CTNNA3: variants seen among roughly 807,000 people sequenced by gnomAD.
CTNNA3 encodes the protein catenin alpha 3, also known as catenin alpha-3.
Under a neutral mutation model 95.7 loss-of-function variants are expected in CTNNA3, and 76 were observed. The ratio of observed to expected loss-of-function variants is 0.79; its 90% confidence interval spans 0.66 to 0.96. The LOEUF is 0.96. Among genes scored for constraint, CTNNA3 ranks in the 40% least tolerant of loss-of-function variants. CTNNA3 has a pLI of 0.00. For synonymous variants in CTNNA3, 431 were observed against 374.4 expected, an observed-to-expected ratio of 1.15 and a Z score of -1.74; for missense variants, 1,191 against 1,089.8, an observed-to-expected ratio of 1.09 and a Z score of -1.31.
chr10:65,925,048 T>C (rs1370758423), intron 17 of CTNNA3, among the ~76,000 whole-genome samples: 1 of 152,190 alleles, frequency 6.6e-6, no homozygotes, highest in Non-Finnish European at 1.5e-5. Flanking sequence ...GAGTTTTGGG[T>C]AGGGACACAA....
At chr10:66,104,070 T>C (rs1203352711) in intron 13 of CTNNA3, among the ~76,000 whole-genome samples, 1 of 152,188 alleles carries the variant, frequency 6.6e-6, no homozygotes, top group Admixed American at 6.5e-5. Flanking sequence ...CCAGAAATTA[T>C]CAAGAAATTA....
At chr10:66,455,047 TG>T (rs2093487346) in intron 11 of CTNNA3, among the ~76,000 whole-genome samples, 1 of 151,192 alleles carries the variant, frequency 6.6e-6, no homozygotes, top group Admixed American at 6.6e-5. Context: ...AGGAAAAATA[TG>T]TAAAATTCAG....
At chr10:67,143,637 C>A (rs2132047829) in intron 7 of CTNNA3, among the ~76,000 whole-genome samples, 1 of 152,116 alleles carries the variant, frequency 6.6e-6, no homozygotes, top group African/African-American at 2.4e-5. Context: ...CTCAAGAAAC[C>A]ACTTTCTCAT....
At chr10:66,186,467 CTT>C (rs1364752826) in intron 13 of CTNNA3, among the ~76,000 whole-genome samples, 2 of 151,962 alleles carry the variant, frequency 1.3e-5, no homozygotes, top group East Asian at 3.9e-4. Context: ...TAAAGAAAAT[CTT>C]CATCATTTTC....
intron 12 of CTNNA3, among the ~76,000 whole-genome samples, chr10:66,344,306 A>T (rs1183422538): frequency 2.7e-5 from 4 of 150,114 alleles, no homozygotes; most frequent in Non-Finnish European, 5.9e-5. Flanking sequence ...CGCTCTTGTC[A>T]CCCAGGCTGG....
intron 13 of CTNNA3, among the ~76,000 whole-genome samples, chr10:66,259,305 T>G (rs925143560): frequency 3.3e-5 from 5 of 152,132 alleles, no homozygotes; most frequent in Admixed American, 1.3e-4. Context: ...ACTATCCCCT[T>G]TCAGCAGGAA....
chr10:66,596,479 C>T (rs1295494528), intron 10 of CTNNA3, among the ~76,000 whole-genome samples: 1 of 152,078 alleles, frequency 6.6e-6, no homozygotes, highest in Non-Finnish European at 1.5e-5. Context: ...AGGAGTCATA[C>T]TATATTAAAC....
intron 12 of CTNNA3, among the ~76,000 whole-genome samples, chr10:66,335,983 C>T (rs1046302590): frequency 2.6e-5 from 4 of 152,148 alleles, no homozygotes; most frequent in African/African-American, 7.2e-5. Context: ...TCTCAGCCTG[C>T]TGTGCTAGCA....
At chr10:66,532,174 A>T (rs1391805459) in intron 10 of CTNNA3, among the ~76,000 whole-genome samples, 1 of 152,146 alleles carries the variant, frequency 6.6e-6, no homozygotes, top group Non-Finnish European at 1.5e-5. Context: ...TTAAAAAGAA[A>T]AAACAAGGCC....
intron 9 of CTNNA3, among the ~76,000 whole-genome samples, chr10:66,726,453 A>G (rs1389520389): frequency 6.6e-6 from 1 of 152,124 alleles, no homozygotes; most frequent in Non-Finnish European, 1.5e-5. Context: ...AGTTCCTATA[A>G]CAATTGAGAT....
chr10:66,436,501 C>CTTTTTTTTTTTTTTT (rs34165061), intron 11 of CTNNA3, among the ~76,000 whole-genome samples: 662 of 60,404 alleles, frequency 0.011, 4 homozygotes, highest in Non-Finnish European at 0.014. Flanking sequence ...ACAATCCCTG[C>CTTTTTTTTTTTTTTT]TTTTTTTTTT....
At chr10:67,736,582 A>G (rs1250974263) in intron 1 of CTNNA3, among the ~76,000 whole-genome samples, 2 of 151,478 alleles carry the variant, frequency 1.3e-5, no homozygotes, top group Admixed American at 6.6e-5. Context: ...CAGCCTCCCA[A>G]GTAGCTGGGA....
chr10:67,309,107 T>G (rs1328999662), intron 5 of CTNNA3, among the ~76,000 whole-genome samples: 1 of 152,182 alleles, frequency 6.6e-6, no homozygotes, highest in East Asian at 1.9e-4. Context: ...GTTTAACATT[T>G]CAACCTTTGC....
At chr10:67,748,279 G>A (rs117030189) in intron 1 of CTNNA3, among the ~76,000 whole-genome samples, 4,142 of 152,064 alleles carry the variant, frequency 0.027, 82 homozygotes, top group Non-Finnish European at 0.04. Flanking sequence ...TCCATGAGAA[G>A]ATCACCCCAA....
intron 7 of CTNNA3, among the ~76,000 whole-genome samples, chr10:67,175,935 C>T (rs1862219894): frequency 6.6e-6 from 1 of 152,066 alleles, no homozygotes; most frequent in Non-Finnish European, 1.5e-5. Context: ...TGCTCTGCCC[C>T]ATTTATAAAA....
chr10:66,982,020 A>G (rs1850471013), intron 7 of CTNNA3, among the ~76,000 whole-genome samples: 1 of 152,202 alleles, frequency 6.6e-6, no homozygotes, highest in African/African-American at 2.4e-5. Context: ...ATATGAGAAC[A>G]CTTCCCTCAC....
At chr10:67,443,148 G>C (rs1349446497) in intron 5 of CTNNA3, among the ~76,000 whole-genome samples, 3 of 149,470 alleles carry the variant, frequency 2.0e-5, no homozygotes, top group African/African-American at 4.9e-5. Flanking sequence ...TGGCTGCATA[G>C]TATTCCATGG....
chr10:66,839,033 TAA>T (rs11288347), intron 7 of CTNNA3, among the ~76,000 whole-genome samples: 133 of 150,390 alleles, frequency 8.8e-4, no homozygotes, highest in South Asian at 4.0e-3. Flanking sequence ...TTCATACTTA[TAA>T]AAAAAAAAAC....
intron 11 of CTNNA3, among the ~76,000 whole-genome samples, chr10:66,395,375 G>A (rs777953666): frequency 6.6e-5 from 10 of 152,076 alleles, no homozygotes; most frequent in Non-Finnish European, 1.3e-4. Context: ...AGTCCATGAG[G>A]TTAAAAGCAA....
Sources: gnomAD v4.1 joint callset for allele counts (sites outside exome capture counted in the v4.1 genomes callset) on GRCh38, gnomAD v4.1.1 for gene constraint, MANE v1.5 for transcripts, NCBI Gene and HGNC (gene_info 2026-07-23, HGNC 2026-07-21) for gene names.